Variants in PTGIS observed in about 807,000 individuals in gnomAD.
PTGIS encodes prostaglandin I2 synthase.
A neutral mutation model predicts 50.3 loss-of-function variants in PTGIS; 45 were observed. The observed-to-expected ratio is 0.90, with a 90% CI of 0.70 to 1.15. The LOEUF (loss-of-function observed/expected upper bound fraction) is 1.15, where lower values mean the gene tolerates loss of function less well. Ranked by LOEUF, PTGIS falls within the 50% of genes most tolerant of loss-of-function variation. The pLI is 0.00. For missense variants in PTGIS, 668 were observed against 661.3 expected, an observed-to-expected ratio of 1.01 and a Z score of -0.11; for synonymous variants, 260 against 267.7, an observed-to-expected ratio of 0.97 and a Z score of 0.28.
chr20:49,514,232 A>T lies in PTGIS; in HGVS notation c.1019T>A (p.Val340Glu). Residue 340 changes from valine to glutamate, a missense_variant, in exon 7 of 10, where the codon GTG (valine) becomes GAG (glutamate). Coordinates refer to ENST00000244043, the MANE Select transcript of PTGIS (RefSeq NM_000961.4). The stretch of plus-strand genomic sequence containing the variant: ...GGAGGGTCTGACGATCTCACCAAGC[A>T]CAGGTGTGCTGTCTAGAACCTTCTG... Reference protein sequence around the residue: ...LPQKVLDSTPVLDSVLSESLR... With the variant: ...LPQKVLDSTPELDSVLSESLR... 6.2e-7 allele frequency: 1 copy of T among 1,613,826 alleles called. No homozygotes were observed. The highest frequency in any genetic ancestry group is 8.5e-7 in the Non-Finnish European group (1 of 1,180,016).
intron 5 of PTGIS, among the ~76,000 whole-genome samples, chr20:49,538,032 T>C (rs145798945): frequency 0.01 from 1,546 of 152,042 alleles, 27 homozygotes; most frequent in African/African-American, 0.034. Context: ...CGTGGGAGGA[T>C]TGCTTGAGCC....
At chr20:49,527,077 C>T (rs1905843764) in intron 5 of PTGIS, among the ~76,000 whole-genome samples, 1 of 152,172 alleles carries the variant, frequency 6.6e-6, no homozygotes, top group South Asian at 2.1e-4. Context: ...ACCCAAATGT[C>T]GGTTGATAGG....
At chr20:49,510,809 T>C (rs1981296920) in intron 9 of PTGIS, among the ~76,000 whole-genome samples, 1 of 152,200 alleles carries the variant, frequency 6.6e-6, no homozygotes, top group African/African-American at 2.4e-5. Context: ...GATCTGATTA[T>C]TTCAAAAGAA....
intron 6 of PTGIS, among the ~76,000 whole-genome samples, chr20:49,516,847 T>A (rs117140207): frequency 6.6e-6 from 1 of 152,210 alleles, no homozygotes; most frequent in South Asian, 2.1e-4. Context: ...AACATCTGCA[T>A]CCCTTTGGAT....
intron 1 of PTGIS, among the ~76,000 whole-genome samples, chr20:49,555,150 A>G (rs1287488404): frequency 1.3e-5 from 2 of 152,066 alleles, no homozygotes; most frequent in Non-Finnish European, 1.5e-5. Context: ...GCAGGTGCCT[A>G]TAATCCCAGC....
intron 9 of PTGIS, among the ~76,000 whole-genome samples, chr20:49,510,603 A>C (rs1981287919): frequency 1.3e-5 from 2 of 152,154 alleles, no homozygotes; most frequent in Non-Finnish European, 2.9e-5. Flanking sequence ...CCTGGGGTTC[A>C]AGGGAGATAA....
intron 1 of PTGIS, among the ~76,000 whole-genome samples, chr20:49,550,529 A>G (rs1483561733): frequency 3.3e-5 from 5 of 152,104 alleles, no homozygotes; most frequent in Non-Finnish European, 7.4e-5. Flanking sequence ...ATTGATTGAG[A>G]CCTAGCTTAG....
At chr20:49,561,015 G>A (rs1413531736) in intron 1 of PTGIS, among the ~76,000 whole-genome samples, 1 of 152,160 alleles carries the variant, frequency 6.6e-6, no homozygotes, top group East Asian at 1.9e-4. Flanking sequence ...CCCCCCAGGA[G>A]AGCAATGTGG....
At chr20:49,528,531 A>G (rs966913220) in intron 5 of PTGIS, among the ~76,000 whole-genome samples, 2 of 152,116 alleles carry the variant, frequency 1.3e-5, no homozygotes, top group African/African-American at 4.8e-5. Context: ...GGGGCAGGAG[A>G]ATCGCTTGAA....
At chr20:49,550,554 A>C (rs1016448793) in intron 1 of PTGIS, among the ~76,000 whole-genome samples, 1 of 152,218 alleles carries the variant, frequency 6.6e-6, no homozygotes, top group Non-Finnish European at 1.5e-5. Context: ...TTTTTAGTTT[A>C]CAAATTGGCG....
At chr20:49,551,008 G>A (rs754410568) in intron 1 of PTGIS, among the ~76,000 whole-genome samples, 3 of 152,094 alleles carry the variant, frequency 2.0e-5, no homozygotes, top group Admixed American at 1.3e-4. Flanking sequence ...GTTGAAGACC[G>A]GCCCGGCCAT....
intron 1 of PTGIS, among the ~76,000 whole-genome samples, chr20:49,566,640 G>A (rs1007355337): frequency 1.3e-5 from 2 of 152,206 alleles, no homozygotes; most frequent in Non-Finnish European, 2.9e-5. Context: ...AAGGTTTCCG[G>A]AATTTTCAGA....
At position 49,548,727 on chromosome 20, in the gene PTGIS, A is replaced by AAGGG. The variant is rs200297964; in HGVS notation, c.199-712_199-709dup. Among the ~76,000 whole-genome samples, 1,446 of 151,554 alleles carry AAGGG rather than the reference A, an allele frequency of 9.5e-3. 25 individuals are homozygous for AAGGG. The highest frequency in any genetic ancestry group is 0.033 in the African/African-American group (1,376 of 41,126). ...GGTAAATGAATGGAAGGAAGGAAGG[A>AAGGG]AGGGAGGGAGGAAGGAAGGAAGGAA... On this transcript the variant is annotated intron_variant, in intron 2 of 9. Coordinates refer to ENST00000244043, the MANE Select transcript of PTGIS (RefSeq NM_000961.4).
intron 7 of PTGIS, 56 bp downstream of exon 7, chr20:49,514,170 TG>T: frequency 6.3e-7 from 1 of 1,599,644 alleles, no homozygotes; most frequent in Middle Eastern, 1.7e-4. Flanking sequence ...GGGAGGGCTT[TG>T]GGGGTCCATG....
intron 1 of PTGIS, among the ~76,000 whole-genome samples, chr20:49,555,834 G>GA (rs1374104809): frequency 5.3e-5 from 8 of 152,146 alleles, no homozygotes; most frequent in African/African-American, 1.9e-4. Context: ...GAACTCTGAG[G>GA]AGTACTCTTA....
At chr20:49,562,279 C>A (rs1020534320) in intron 1 of PTGIS, among the ~76,000 whole-genome samples, 3 of 152,186 alleles carry the variant, frequency 2.0e-5, no homozygotes, top group African/African-American at 7.2e-5. Context: ...TCTTTGCAGG[C>A]GGGAGCAGGC....
chr20:49,555,181 A>G (rs150146492), intron 1 of PTGIS, among the ~76,000 whole-genome samples: 1,593 of 152,188 alleles, frequency 0.01, 34 homozygotes, highest in African/African-American at 0.036. Context: ...TCTGAGGCAC[A>G]AGAATTGCTT....
At position 49,539,673 on chromosome 20, in the gene PTGIS, A is replaced by G. The variant is rs1300354822; in HGVS notation, c.570T>C (p.His190=). The G allele has an allele frequency of 1.9e-6, 3 of 1,613,824 alleles. No individual in the cohort carries two copies. Among genetic ancestry groups the G allele is most frequent in the Admixed American group, 1.7e-5 (1 of 59,990 alleles). ...GGACGCGGTCCTGGGCCTGGCTTTC[A>G]TGGGTGCGTGGCAGCGCCTCAATTC... The part of the protein sequence containing the change: ...LYGIEALPRT[H]ESQAQDRVHS... The change falls in exon 5 of 10, where the codon CAT becomes CAC. Residue 190 remains histidine (H), a synonymous_variant. Transcript: ENST00000244043.
chr20:49,522,919 G>A (rs1981689338), intron 6 of PTGIS, among the ~76,000 whole-genome samples: 2 of 152,138 alleles, frequency 1.3e-5, no homozygotes, highest in African/African-American at 4.8e-5. Flanking sequence ...AGCTATTCAG[G>A]AGGCTGAGGC....
Sources: gnomAD v4.1 joint callset for allele counts (sites outside exome capture counted in the v4.1 genomes callset) on GRCh38, gnomAD v4.1.1 for gene constraint, MANE v1.5 for transcripts, NCBI Gene and HGNC (gene_info 2026-07-23, HGNC 2026-07-21) for gene names.